FGF17: variants seen among roughly 807,000 people sequenced by gnomAD.
FGF17 encodes the protein fibroblast growth factor 17.
Under a neutral mutation model 23.5 loss-of-function variants are expected in FGF17, and 5 were observed. The ratio of observed to expected loss-of-function variants is 0.21; its 90% CI spans 0.11 to 0.45. FGF17 has a LOEUF of 0.45. FGF17 is among the 20% of genes least tolerant of loss of function. FGF17 has a pLI of 0.99. For synonymous variants in FGF17, 136 were observed against 123.0 expected (o/e 1.11, Z -0.70); for missense variants, 221 against 306.9 (o/e 0.72, Z 2.09).
At chr8:22,044,660 A>AC (rs1210351390) in intron 2 of FGF17, 1 of 984,702 alleles carries the variant, frequency 1.0e-6, no homozygotes. Flanking sequence ...CAGGTCCCCC[A>AC]CCCCAAATGC....
Position 22,045,239 on chromosome 8 carries a change from C to T in FGF17, c.73-875C>T, listed in dbSNP as rs144679920. Reference sequence around the variant, plus strand: ...CCAACCCAAAGGGGAAGCAGGTGGGCGGGCGCATCCCACCAACTGGCCAGG... The same window carrying T: ...CCAACCCAAAGGGGAAGCAGGTGGGTGGGCGCATCCCACCAACTGGCCAGG... On this transcript the variant is annotated intron_variant, in intron 2 of 4. Coordinates refer to ENST00000359441, the MANE Select transcript of FGF17 (RefSeq NM_003867.4). 3.0e-5 allele frequency: 30 copies of T among 985,516 alleles called. 1 individual carries two copies. The Admixed American group carries it at 4.3e-4, about 14-fold the overall frequency. The allele number at this position is 985,516 out of a possible 1,614,324, so 61.0% of individuals were successfully genotyped here.
chr8:22,042,908 G>A lies in FGF17; in HGVS notation c.-21G>A, dbSNP rs777598380. 11 of 1,613,106 alleles carry A rather than the reference G, an allele frequency of 6.8e-6. No homozygotes were observed. The highest frequency in any genetic ancestry group is 6.7e-5 in the Admixed American group (4 of 59,974). On this transcript the variant is annotated 5_prime_UTR_variant, in exon 1 of 5. Transcript: ENST00000359441. Reference sequence around the variant, plus strand: ...TGAGCTTGGGGGCAGGGGGGCAACCGCCTGAGGAACCTCTCCAGCGATGGG... The same window carrying A: ...TGAGCTTGGGGGCAGGGGGGCAACCACCTGAGGAACCTCTCCAGCGATGGG...
chr8:22,044,977 A>G, intron 2 of FGF17: 2 of 985,828 alleles, frequency 2.0e-6, no homozygotes, highest in Non-Finnish European at 2.4e-6. Flanking sequence ...CTGTCCCAGC[A>G]CAGGCAGCGG....
At position 22,042,954 on chromosome 8, in the gene FGF17, A is replaced by G; in HGVS notation, c.26A>G (p.Asn9Ser). 1.2e-6 allele frequency: 2 copies of G among 1,613,148 alleles called. No homozygotes were observed. The highest frequency in any genetic ancestry group is 1.7e-6 in the Non-Finnish European group (2 of 1,179,702). MGAARLLP[N>S]LTLCLQLLIL... ...ATGGGAGCCGCCCGCCTGCTGCCCA[A>G]CCTCACTCTGTAAGTGTGCTACCTC... The change falls in exon 1 of 5, where the codon AAC becomes AGC. Residue 9 changes from asparagine (N) to serine (S), a missense_variant. Around this residue, in one of 3 missense-constraint regions of FGF17, gnomAD observed 35 missense variants for 35.5 expected, o/e 0.99. Transcript: ENST00000359441.
At chr8:22,043,085 G>A (rs1419815273) in intron 1 of FGF17, 60 bp from the exon 2 acceptor site, 4 of 1,606,778 alleles carry the variant, frequency 2.5e-6, no homozygotes, top group South Asian at 1.1e-5. Context: ...CGGGGGCCTG[G>A]GTGCACCCTA....
At chr8:22,039,992 C>A (rs1031588476), upstream of FGF17, among the ~76,000 whole-genome samples, 4 of 152,132 alleles carry the variant, frequency 2.6e-5, no homozygotes, top group Admixed American at 6.5e-5. Flanking sequence ...TTAACCACAG[C>A]AGCCCAGGCT....
At chr8:22,044,879 C>T (rs1800829552) in intron 2 of FGF17, 1 of 985,436 alleles carries the variant, frequency 1.0e-6, no homozygotes, top group African/African-American at 1.7e-5. Context: ...CTAACAGATG[C>T]TAATCTGGGT....
intron 2 of FGF17, among the ~76,000 whole-genome samples, chr8:22,043,414 G>A (rs1340920386): frequency 6.6e-6 from 1 of 152,164 alleles, no homozygotes; most frequent in Admixed American, 6.5e-5. Flanking sequence ...CTTCCCCTGG[G>A]TCTCTGCTCC....
chr8:22,043,104 G>A (rs1172534224), intron 1 of FGF17, 41 bp from the exon 2 acceptor site: 2 of 1,611,448 alleles, frequency 1.2e-6, no homozygotes, highest in Non-Finnish European at 1.7e-6. Flanking sequence ...TAGGCTTGCA[G>A]CTGGCACCCA....
intron 4 of FGF17, among the ~76,000 whole-genome samples, chr8:22,047,442 G>A (rs182728644): frequency 1.3e-5 from 2 of 152,170 alleles, no homozygotes; most frequent in Admixed American, 6.5e-5. Flanking sequence ...CTTCCCATTC[G>A]GCTGTCGCTG....
intron 2 of FGF17, 126 bp downstream of exon 2, chr8:22,043,307 C>T: frequency 2.1e-6 from 2 of 963,822 alleles, no homozygotes; most frequent in Admixed American, 3.9e-5. Context: ...GTCCAGGAGG[C>T]ACTGAGGTTT....
chr8:22,043,290 TCCCTGG>T, intron 2 of FGF17, 109 bp downstream of exon 2: 1 of 1,119,150 alleles, frequency 8.9e-7, no homozygotes, highest in Non-Finnish European at 1.3e-6. Flanking sequence ...GTCTGGCCTC[TCCCTGG>T]GTCCAGGAGG....
chr8:22,043,050 G>A (rs1205451834), intron 1 of FGF17, 87 bp downstream of exon 1: 25 of 1,600,836 alleles, frequency 1.6e-5, no homozygotes, highest in Admixed American at 3.4e-5. Context: ...CCACGCGTGC[G>A]TGCACGGGGC....
upstream of FGF17, among the ~76,000 whole-genome samples, chr8:22,040,140 G>T (rs1800717174): frequency 6.6e-6 from 1 of 151,918 alleles, no homozygotes; most frequent in Non-Finnish European, 1.5e-5. Context: ...GGTCAACTGA[G>T]GCTAAGCCAC....
upstream of FGF17, among the ~76,000 whole-genome samples, chr8:22,041,823 G>T (rs749441408): frequency 5.9e-5 from 9 of 152,214 alleles, no homozygotes; most frequent in Non-Finnish European, 1.2e-4. Context: ...TGGGCTAGTC[G>T]CTGGCATTGT....
At chr8:22,040,557 T>C (rs565113443), upstream of FGF17, among the ~76,000 whole-genome samples, 64 of 152,344 alleles carry the variant, frequency 4.2e-4, no homozygotes, top group African/African-American at 1.5e-3. Flanking sequence ...GAGGCCCAGC[T>C]TGACTGCTGG....
chr8:22,046,350 T>G, intron 3 of FGF17, 59 bp downstream of exon 3: 1 of 1,570,308 alleles, frequency 6.4e-7, no homozygotes, highest in Non-Finnish European at 8.7e-7. Flanking sequence ...ACTTCCACCC[T>G]GCCTCACCTC....
At chr8:22,046,356 AC>A in intron 3 of FGF17, 65 bp downstream of exon 3, 1 of 1,561,806 alleles carries the variant, frequency 6.4e-7, no homozygotes, top group South Asian at 1.2e-5. Flanking sequence ...ACCCTGCCTC[AC>A]CTCCTGGTCC....
At chr8:22,044,845 C>G in intron 2 of FGF17, 1 of 985,538 alleles carries the variant, frequency 1.0e-6, no homozygotes, top group South Asian at 4.7e-5. Context: ...TATTTCCCAC[C>G]CCCTCCCTAG....
Sources: allele counts gnomAD v4.1 joint callset (sites outside exome capture counted in the v4.1 genomes callset), GRCh38; gene constraint gnomAD v4.1.1; regional missense constraint gnomAD v4.1.1; transcripts MANE v1.5; gene names NCBI Gene and HGNC (gene_info 2026-07-23, HGNC 2026-07-21).